DYDC2: variants seen among roughly 807,000 people sequenced by gnomAD.
DYDC2 encodes DPY30 domain containing 2.
Under a neutral mutation model 18.7 loss-of-function variants are expected in DYDC2, and 19 were observed. The observed-to-expected ratio is 1.02, with a 90% CI of 0.71 to 1.49. The LOEUF is 1.49. Among genes scored for constraint, DYDC2 ranks in the 40% most tolerant of loss-of-function variants. DYDC2 has a pLI of 0.00. For missense variants in DYDC2, 179 were observed against 205.1 expected (o/e 0.87, Z 0.78); for synonymous variants, 63 against 67.6 (o/e 0.93, Z 0.34).
At chr10:80,360,452 A>G (rs533057301) in intron 2 of DYDC2, among the ~76,000 whole-genome samples, 1 of 152,232 alleles carries the variant, frequency 6.6e-6, no homozygotes, top group South Asian at 2.1e-4. Context: ...ACCTGTGATT[A>G]CATTGTTCCT....
chr10:80,353,627 G>A (rs945753466), upstream of DYDC2, among the ~76,000 whole-genome samples: 11 of 150,718 alleles, frequency 7.3e-5, no homozygotes, highest in South Asian at 4.3e-4. Context: ...CGAGGCGGGC[G>A]GATCACAAGG....
At chr10:80,356,013 A>G (rs1843346917), upstream of DYDC2, among the ~76,000 whole-genome samples, 1 of 150,502 alleles carries the variant, frequency 6.6e-6, no homozygotes. Context: ...AAAGGTGCAC[A>G]GACTCCTGTT....
In DYDC2 at chr10:80,362,584, A is replaced by G; in HGVS notation, c.141A>G (p.Lys47=). The G allele has an allele frequency of 6.2e-7, 1 of 1,610,260 alleles. No homozygotes were observed. Among genetic ancestry groups the G allele is most frequent in the Non-Finnish European group, 8.5e-7 (1 of 1,177,108 alleles). The change falls in exon 3 of 5, where the codon AAA becomes AAG. Residue 47 remains lysine, a synonymous_variant. Coordinates refer to ENST00000256039, the MANE Select transcript of DYDC2 (RefSeq NM_032372.6). ...ATTACAGGAAAACAGCAAAAGCAAA[A>G]GAAGAGGTGTGTATGTGCACTGGGA... ...LYHYRKTAKA[K]EENREKKIHL... is the part of the protein sequence containing the mutation.
chr10:80,365,935 C>T (rs1487832797), intron 4 of DYDC2, among the ~76,000 whole-genome samples: 1 of 151,970 alleles, frequency 6.6e-6, no homozygotes, highest in South Asian at 2.1e-4. Flanking sequence ...ACATTATGTC[C>T]ATTTTCTACC....
At position 80,359,847 on chromosome 10, in the gene DYDC2, G is replaced by T. The variant is rs527923473; in HGVS notation, c.-10+1802G>T. Among the ~76,000 whole-genome samples the T allele has an allele frequency of 1.2e-4, 18 of 152,232 alleles. 1 individual carries two copies. Among genetic ancestry groups the T allele is most frequent in the African/African-American group, 3.1e-4 (13 of 41,552 alleles). On this transcript the variant is annotated intron_variant, in intron 2 of 4. Transcript: ENST00000256039. ...CGCTGGCCTGCGAGTGCCACACGCG[G>T]CCCCATTTCCCGCCCGCGCCTCTCC...
intron 4 of DYDC2, 23 bp downstream of exon 4, chr10:80,363,096 G>C: frequency 6.2e-7 from 1 of 1,601,512 alleles, no homozygotes; most frequent in Non-Finnish European, 8.5e-7. Context: ...ACTCAGCTTT[G>C]GGTTGCCACA....
At chr10:80,355,352 C>T (rs1328894969), upstream of DYDC2, among the ~76,000 whole-genome samples, 1 of 151,676 alleles carries the variant, frequency 6.6e-6, no homozygotes, top group African/African-American at 2.4e-5. Context: ...AATTTTATGC[C>T]ATAACTATGT....
In DYDC2 at chr10:80,367,247, A is replaced by G. The variant is rs1564676218; in HGVS notation, c.*296A>G. 1 of 252,192 alleles carries G rather than the reference A, an allele frequency of 4.0e-6. No individual in the cohort carries two copies. The highest frequency in any genetic ancestry group is 9.0e-5 in the South Asian group (1 of 11,054). The allele number at this position is 252,192 out of a possible 1,614,324, so 15.6% of individuals were successfully genotyped here. A position where few individuals can be genotyped will look rare whatever the true frequency, so the allele number is the denominator to read the frequency against. On this transcript the variant is annotated 3_prime_UTR_variant, in exon 5 of 5. Coordinates refer to ENST00000256039, the MANE Select transcript of DYDC2 (RefSeq NM_032372.6). The stretch of plus-strand genomic sequence containing the variant: ...ATCTGTTGGGGTGATCAGACCCAAC[A>G]CCCGGCCATGGGGGCTACAAAGTCC...
In DYDC2 at chr10:80,351,454, T is replaced by C. The variant is rs57030541; in HGVS notation, c.-309-4843T>C. 2.8e-3 allele frequency among the ~76,000 whole-genome samples: 431 copies of C among 151,392 alleles called. 11 individuals carry two copies. The East Asian group carries it at 0.063, about 22-fold the overall frequency. On this transcript the variant is annotated intron_variant, in intron 1 of 4. Transcript: ENST00000372197. ...TCAAAATCTCCTTGAAAGCATTGCC[T>C]ACATTTTCCACCTCCCCTGCCTAAG...
At chr10:80,363,462 A>T (rs1349081307) in intron 4 of DYDC2, among the ~76,000 whole-genome samples, 3 of 147,624 alleles carry the variant, frequency 2.0e-5, no homozygotes, top group Non-Finnish European at 4.4e-5. Flanking sequence ...CTCCTGTCTC[A>T]GCCTCCCGAG....
chr10:80,362,972 C>T lies in DYDC2; in HGVS notation c.169C>T (p.Leu57=), dbSNP rs1457295590. The part of the protein sequence containing the change: ...KEENREKKIH[L]QEEYDSSLKE... ...CCAGAATAGGGAAAAGAAGATCCAC[C>T]TGCAGGAGGAATATGACAGTAGCCT... The change falls in exon 4 of 5, where the codon CTG becomes TTG. Residue 57 remains leucine (L), a synonymous_variant. Coordinates refer to ENST00000256039, the MANE Select transcript of DYDC2 (RefSeq NM_032372.6). 4 of 1,613,764 alleles carry T rather than the reference C, an allele frequency of 2.5e-6. No homozygotes were observed. Among genetic ancestry groups the T allele is most frequent in the South Asian group, 1.1e-5 (1 of 90,932 alleles).
chr10:80,348,249 T>C (rs1842785005), intron 1 of DYDC2, among the ~76,000 whole-genome samples: 1 of 152,248 alleles, frequency 6.6e-6, no homozygotes, highest in Non-Finnish European at 1.5e-5. Context: ...GGTTTCTTTT[T>C]CGAGTAAGTT....
intron 4 of DYDC2, among the ~76,000 whole-genome samples, chr10:80,364,131 C>A (rs1382817331): frequency 2.0e-5 from 3 of 152,208 alleles, no homozygotes; most frequent in Non-Finnish European, 4.4e-5. Flanking sequence ...AATTCACCAG[C>A]ATTTGTTAGC....
intron 4 of DYDC2, among the ~76,000 whole-genome samples, chr10:80,364,399 T>C (rs7089003): frequency 0.75 from 114,793 of 152,100 alleles, 44,217 homozygotes; most frequent in East Asian, 0.97. Flanking sequence ...CACCTTGCTG[T>C]GCACCTCTAA....
In DYDC2 at chr10:80,365,410, G is replaced by A. The variant is rs137869040; in HGVS notation, c.271-1278G>A. On this transcript the variant is annotated intron_variant, in intron 4 of 4. Coordinates refer to ENST00000256039, the MANE Select transcript of DYDC2 (RefSeq NM_032372.6). ...GCAGCTTTAAGTAAACCATAATTTT[G>A]TTTCTGAGTCAGAAGAAAACTATTG... 4.0e-3 allele frequency among the ~76,000 whole-genome samples: 615 copies of A among 152,294 alleles called. 5 individuals are homozygous for A. The highest frequency in any genetic ancestry group is 0.012 in the African/African-American group (502 of 41,558).
upstream of DYDC2, chr10:80,356,264 C>A (rs1205550826): frequency 7.1e-6 from 7 of 985,448 alleles, no homozygotes; most frequent in Non-Finnish European, 8.4e-6. Context: ...CAATAGGCAT[C>A]TTGGCTCAAC....
chr10:80,350,076 C>T (rs973886319), intron 1 of DYDC2, among the ~76,000 whole-genome samples: 1 of 152,164 alleles, frequency 6.6e-6, no homozygotes, highest in African/African-American at 2.4e-5. Context: ...CACACTCTCT[C>T]AAGCCTTTCT....
chr10:80,352,386 T>TTTTTA, upstream of DYDC2: 1 of 1,435,180 alleles, frequency 7.0e-7, no homozygotes, highest in African/African-American at 1.5e-5. Flanking sequence ...AATGTTAAAC[T>TTTTTA]TTTTTAAAAG....
At chr10:80,353,752 G>A (rs1843157107), upstream of DYDC2, among the ~76,000 whole-genome samples, 1 of 151,896 alleles carries the variant, frequency 6.6e-6, no homozygotes, top group South Asian at 2.1e-4. Context: ...CCACTGGGAT[G>A]ATGATACCCA....
Sources: gnomAD v4.1 joint callset for allele counts (sites outside exome capture counted in the v4.1 genomes callset) on GRCh38, gnomAD v4.1.1 for gene constraint, MANE v1.5 for transcripts, NCBI Gene and HGNC (gene_info 2026-07-23, HGNC 2026-07-21) for gene names.